The following SAP130 variants were observed in gnomAD, a reference collection of about 807,000 sequenced individuals.
SAP130 encodes the protein histone deacetylase complex subunit SAP130.
In SAP130, 16 loss-of-function variants were observed where a neutral mutation model predicts 103.2. That is an observed-to-expected ratio of 0.16 (90% CI 0.10 to 0.24). SAP130 has a LOEUF of 0.24. Ranked by LOEUF, SAP130 falls within the 10% of genes least tolerant of loss-of-function variation. The pLI is 1.00. For synonymous variants in SAP130, 477 were observed against 497.0 expected (o/e 0.96, Z 0.53); for missense variants, 990 against 1,359.7 (o/e 0.73, Z 4.28).
chr2:128,022,047 A>C (rs993895465), intron 2 of SAP130, among the ~76,000 whole-genome samples: 1 of 152,224 alleles, frequency 6.6e-6, no homozygotes, highest in Non-Finnish European at 1.5e-5. Context: ...GGTATAACAC[A>C]ATCATGATAC....
In SAP130 at chr2:127,999,895, C is replaced by T. The variant is rs369784076; in HGVS notation, c.1109-50G>A. Reference sequence around the variant, plus strand: ...TCTTTAACAAGAACTTCTCTGCACACGTTACAGATTCTCAAAAACCTGGGA... The same window carrying T: ...TCTTTAACAAGAACTTCTCTGCACATGTTACAGATTCTCAAAAACCTGGGA... On this transcript the variant is annotated intron_variant, in intron 9 of 20. Transcript: ENST00000643581. 6.5e-5 allele frequency: 94 copies of T among 1,449,326 alleles called. 2 individuals carry two copies. In the South Asian group the frequency reaches 1.1e-3, roughly 17 times the overall value. The allele number at this position is 1,449,326 out of a possible 1,614,324, so 89.8% of individuals were successfully genotyped here. A position where few individuals can be genotyped will look rare whatever the true frequency, so the allele number is the denominator to read the frequency against.
At chr2:128,018,045 T>C in intron 2 of SAP130, 130 bp from the exon 3 acceptor site, 1 of 703,152 alleles carries the variant, frequency 1.4e-6, no homozygotes, top group Non-Finnish European at 2.3e-6. Context: ...GATGTTTTCT[T>C]AACAAGGTCA....
At chr2:128,021,120 A>T (rs1389887587) in intron 2 of SAP130, among the ~76,000 whole-genome samples, 1 of 152,168 alleles carries the variant, frequency 6.6e-6, no homozygotes, top group Non-Finnish European at 1.5e-5. Context: ...TGATCTCTTC[A>T]GGAAAAAATT....
chr2:128,002,366 C>T (rs1457388604), intron 7 of SAP130, among the ~76,000 whole-genome samples: 1 of 151,722 alleles, frequency 6.6e-6, no homozygotes, highest in Non-Finnish European at 1.5e-5. Flanking sequence ...CCCATCTCTA[C>T]TAAAAATACA....
intron 18 of SAP130, among the ~76,000 whole-genome samples, chr2:127,947,337 T>C (rs775310730): frequency 6.6e-6 from 1 of 152,210 alleles, no homozygotes; most frequent in African/African-American, 2.4e-5. Flanking sequence ...CCAGTTAATA[T>C]GGTGGATTAC....
chr2:128,024,399 A>G (rs1439472843), intron 2 of SAP130, among the ~76,000 whole-genome samples: 1 of 152,156 alleles, frequency 6.6e-6, no homozygotes, highest in African/African-American at 2.4e-5. Flanking sequence ...GCCATAGCTC[A>G]TAAGAAAACG....
rs752537048 is a variant in SAP130 at position 127,998,517 on chromosome 2, C to T, written c.1213+1224G>A. On this transcript the variant is annotated intron_variant, in intron 10 of 20. Coordinates refer to ENST00000643581, the MANE Select transcript of SAP130 (RefSeq NM_001330301.2). The stretch of plus-strand genomic sequence containing the variant: ...GAAAATCAGTGGTCTAGGGTTATAT[C>T]AGGTTTCCCTTCTCAACTGAGCTAC... 3.3e-4 allele frequency among the ~76,000 whole-genome samples: 50 copies of T among 152,214 alleles called. 1 individual carries two copies. Among genetic ancestry groups the T allele is most frequent in the Non-Finnish European group, 6.3e-4 (43 of 68,036 alleles).
intron 2 of SAP130, among the ~76,000 whole-genome samples, chr2:128,018,186 TA>T (rs1450533040): frequency 6.6e-6 from 1 of 151,602 alleles, no homozygotes; most frequent in Admixed American, 6.6e-5. Context: ...CTGAAATAGT[TA>T]AAAGTACAAT....
chr2:127,981,398 C>T (rs1681890003), intron 14 of SAP130, among the ~76,000 whole-genome samples: 1 of 11,234 alleles, frequency 8.9e-5, no homozygotes, highest in Non-Finnish European at 2.3e-4. Flanking sequence ...TCCTGCACCC[C>T]CGACTCAGCT....
intron 15 of SAP130, among the ~76,000 whole-genome samples, chr2:127,967,813 A>G (rs1680766813): frequency 6.6e-6 from 1 of 152,198 alleles, no homozygotes; most frequent in Admixed American, 6.5e-5. Flanking sequence ...GATATATAGA[A>G]TACTCCACCC....
At chr2:128,024,167 A>G (rs2105258233) in intron 2 of SAP130, among the ~76,000 whole-genome samples, 1 of 152,278 alleles carries the variant, frequency 6.6e-6, no homozygotes, top group Admixed American at 6.5e-5. Flanking sequence ...AAAGAGAACT[A>G]AAATAAATTT....
chr2:128,019,494 C>T (rs1300734695), intron 2 of SAP130, among the ~76,000 whole-genome samples: 2 of 152,170 alleles, frequency 1.3e-5, no homozygotes, highest in African/African-American at 2.4e-5. Flanking sequence ...GTCTTGAATA[C>T]CTGGGATCGA....
At chr2:128,012,613 G>C (rs1184942860) in intron 6 of SAP130, among the ~76,000 whole-genome samples, 2 of 152,098 alleles carry the variant, frequency 1.3e-5, no homozygotes, top group South Asian at 2.1e-4. Flanking sequence ...TGAGGTCATA[G>C]ATTTCCTTAA....
rs1436079024 is a variant in SAP130 at position 127,977,979 on chromosome 2, G to A, written c.2063+6C>T. 1.3e-6 allele frequency: 2 copies of A among 1,544,708 alleles called. No individual in the cohort carries two copies. The highest frequency in any genetic ancestry group is 2.0e-5 in the Admixed American group (1 of 50,990). ...GCAAGAGTGCGAAGAACACTTAGGT[G>A]CTCACCCTGCAGGCCTAGGTGACCC... On this transcript the variant is annotated splice_donor_region_variant and intron_variant, in intron 15 of 20. Transcript: ENST00000643581.
intron 15 of SAP130, among the ~76,000 whole-genome samples, chr2:127,973,350 A>C (rs2104889890): frequency 6.6e-6 from 1 of 152,304 alleles, no homozygotes; most frequent in Admixed American, 6.5e-5. Context: ...CTCCTGCTTC[A>C]GCCTCCCAAG....
At position 127,986,794 on chromosome 2, in the gene SAP130, G is replaced by A; in HGVS notation, c.1949C>T (p.Ala650Val). The A allele has an allele frequency of 1.9e-6, 3 of 1,613,770 alleles. No homozygotes were observed. The highest frequency in any genetic ancestry group is 2.5e-6 in the Non-Finnish European group (3 of 1,179,802). Residue 650 changes from alanine (A) to valine (V), a missense_variant, in exon 14 of 21, where the codon GCC becomes GTC. Coordinates refer to ENST00000643581, the MANE Select transcript of SAP130 (RefSeq NM_001330301.2). This position sits in a 1 kb window ranked among gnomAD's most constrained non-coding sequence, Gnocchi z 4.7. ...TACCAGGTCTACTCACCCATCTGTG[G>A]CAGGTTTCTTCCGGAGTATGCTTGG... ...PRPSILRKKPATDGMAVRKTL... is the reference protein window; with the variant it reads ...PRPSILRKKPVTDGMAVRKTL...
At chr2:128,020,222 GGA>G (rs1166357635) in intron 2 of SAP130, among the ~76,000 whole-genome samples, 1 of 152,054 alleles carries the variant, frequency 6.6e-6, no homozygotes, top group Admixed American at 6.6e-5. Flanking sequence ...GCAGCTCAAT[GGA>G]CTTTCACAAA....
At chr2:127,948,981 C>T (rs1339387674) in intron 18 of SAP130, among the ~76,000 whole-genome samples, 1 of 152,146 alleles carries the variant, frequency 6.6e-6, no homozygotes, top group Admixed American at 6.5e-5. Flanking sequence ...TAAAAGGCAA[C>T]ACTCCTTGAC....
chr2:128,001,389 G>C (rs1683550180), intron 7 of SAP130, among the ~76,000 whole-genome samples: 1 of 152,160 alleles, frequency 6.6e-6, no homozygotes, highest in Non-Finnish European at 1.5e-5. Context: ...AAAATGCAAA[G>C]AATCACTTCA....
Sources: allele counts gnomAD v4.1 joint callset (sites outside exome capture counted in the v4.1 genomes callset), GRCh38; gene constraint gnomAD v4.1.1; non-coding constraint Gnocchi (gnomAD v3.1); transcripts MANE v1.5; gene names NCBI Gene and HGNC (gene_info 2026-07-23, HGNC 2026-07-21).